The following GABBR2 variants were observed in gnomAD, a reference collection of about 807,000 sequenced individuals.
GABBR2 encodes gamma-aminobutyric acid type B receptor subunit 2, also known as G-protein coupled receptor 51.
GABBR2 carries 23 observed loss-of-function variants against 105.6 expected under a neutral mutation model. The ratio of observed to expected loss-of-function variants is 0.22; its 90% CI spans 0.16 to 0.31. GABBR2 has a LOEUF of 0.31. Among genes scored for constraint, GABBR2 ranks in the 10% least tolerant of loss-of-function variants. The pLI is 1.00. For synonymous variants in GABBR2, 478 were observed against 499.7 expected (o/e 0.96, Z 0.58); for missense variants, 734 against 1,245.5 (o/e 0.59, Z 6.18).
intron 1 of GABBR2, chr9:98,607,905 T>G: frequency 1.4e-6 from 2 of 1,438,406 alleles, no homozygotes; most frequent in Non-Finnish European, 1.9e-6. Flanking sequence ...AGCAGGTGTT[T>G]GAGATGAAGG....
chr9:98,461,746 G>C (rs1420416214), intron 6 of GABBR2, among the ~76,000 whole-genome samples: 1 of 152,176 alleles, frequency 6.6e-6, no homozygotes, highest in East Asian at 1.9e-4. Flanking sequence ...TGATTCTCCA[G>C]GTGCAGAATC....
intron 1 of GABBR2, among the ~76,000 whole-genome samples, chr9:98,648,060 T>C (rs2131842890): frequency 7.2e-6 from 1 of 139,474 alleles, no homozygotes; most frequent in African/African-American, 2.7e-5. Flanking sequence ...CCCTTCCCCT[T>C]TCTATCATTA....
intron 7 of GABBR2, among the ~76,000 whole-genome samples, chr9:98,419,943 G>A (rs1052199071): frequency 1.3e-5 from 2 of 151,974 alleles, no homozygotes; most frequent in Non-Finnish European, 1.5e-5. Context: ...TTAGTTGTGG[G>A]CATCCCCAAA....
intron 11 of GABBR2, 115 bp downstream of exon 11, chr9:98,385,525 C>T (rs1392709976): frequency 3.6e-6 from 3 of 836,832 alleles, no homozygotes; most frequent in Non-Finnish European, 6.0e-6. Context: ...ATGGGTTGTT[C>T]CCTGCCTGTT....
chr9:98,515,560 T>A (rs1217232046), intron 3 of GABBR2, among the ~76,000 whole-genome samples: 1 of 152,122 alleles, frequency 6.6e-6, no homozygotes. Context: ...GGCTCCCTTC[T>A]TCTAGGGCTT....
intron 1 of GABBR2, among the ~76,000 whole-genome samples, chr9:98,665,201 C>G (rs1830317560): frequency 6.6e-6 from 1 of 152,034 alleles, no homozygotes; most frequent in African/African-American, 2.4e-5. Context: ...CCTGGGAGGT[C>G]CAGGCTGCAG....
At chr9:98,472,573 C>A (rs968068535) in intron 6 of GABBR2, among the ~76,000 whole-genome samples, 1 of 152,160 alleles carries the variant, frequency 6.6e-6, no homozygotes, top group Non-Finnish European at 1.5e-5. Flanking sequence ...GAAGATATAT[C>A]TATAGAAGGG....
intron 6 of GABBR2, among the ~76,000 whole-genome samples, chr9:98,463,935 G>A (rs925851170): frequency 2.6e-5 from 4 of 152,148 alleles, no homozygotes; most frequent in African/African-American, 9.7e-5. Context: ...CTCACTCAAC[G>A]CTCAATGTTG....
intron 1 of GABBR2, among the ~76,000 whole-genome samples, chr9:98,592,013 G>A (rs915894534): frequency 6.6e-6 from 1 of 152,180 alleles, no homozygotes; most frequent in South Asian, 2.1e-4. Flanking sequence ...CAAGCAAGGG[G>A]GGCACTTGAC....
chr9:98,428,660 G>A (rs1257085735), intron 7 of GABBR2, among the ~76,000 whole-genome samples: 1 of 152,252 alleles, frequency 6.6e-6, no homozygotes, highest in Non-Finnish European at 1.5e-5. Context: ...GACTATTCTA[G>A]CTATGTGATT....
At position 98,337,980 on chromosome 9, in the gene GABBR2, C is replaced by A. The variant is rs1831145081; in HGVS notation, c.1893+24735G>T. 1.3e-5 allele frequency among the ~76,000 whole-genome samples: 2 copies of A among 152,154 alleles called. 1 individual carries two copies. Among genetic ancestry groups the A allele is most frequent in the Admixed American group, 1.3e-4 (2 of 15,274 alleles). On this transcript the variant is annotated intron_variant, in intron 13 of 18. Transcript: ENST00000259455. Reference sequence around the variant, plus strand: ...GAGTTTGCAGTGAGCTGAGATTGTGCCACTGTACTCCAGCCTGGGCGACAG... The same window carrying A: ...GAGTTTGCAGTGAGCTGAGATTGTGACACTGTACTCCAGCCTGGGCGACAG...
rs1000105625 is a variant in GABBR2, at chr9:98,617,412, G to A, written c.322-39340C>T. Among the ~76,000 whole-genome samples the A allele has an allele frequency of 2.0e-5, 3 of 152,334 alleles. No homozygotes were observed. In the South Asian group the frequency reaches 6.2e-4, roughly 32 times the overall value. ...GTCTAGACAAGGAGACGCAAATGCA[G>A]CCTGGGAGAGCAGGGACACTGAATG... On this transcript the variant is annotated intron_variant, in intron 1 of 18. Coordinates refer to ENST00000259455, the MANE Select transcript of GABBR2 (RefSeq NM_005458.8).
At chr9:98,681,888 A>T (rs1316612699) in intron 1 of GABBR2, among the ~76,000 whole-genome samples, 1 of 152,186 alleles carries the variant, frequency 6.6e-6, no homozygotes, top group Non-Finnish European at 1.5e-5. Flanking sequence ...AAAAGCAGAA[A>T]CCACAAAGAT....
At chr9:98,575,845 C>T (rs1009606258) in intron 2 of GABBR2, among the ~76,000 whole-genome samples, 6 of 152,284 alleles carry the variant, frequency 3.9e-5, no homozygotes, top group Middle Eastern at 3.4e-3. Flanking sequence ...TGGCCTGCTC[C>T]GGCCACAAGG....
intron 13 of GABBR2, among the ~76,000 whole-genome samples, chr9:98,323,670 C>T (rs1176186032): frequency 1.3e-5 from 2 of 152,220 alleles, no homozygotes; most frequent in Non-Finnish European, 2.9e-5. Flanking sequence ...GGCCTTGGAC[C>T]TCCCAGCCTA....
chr9:98,317,449 A>G (rs1830737967), intron 13 of GABBR2, among the ~76,000 whole-genome samples: 1 of 152,170 alleles, frequency 6.6e-6, no homozygotes, highest in Admixed American at 6.5e-5. Context: ...AGGGAGTTGG[A>G]GCATAAGTGG....
At chr9:98,510,434 T>C (rs1827615536) in intron 3 of GABBR2, among the ~76,000 whole-genome samples, 1 of 152,290 alleles carries the variant, frequency 6.6e-6, no homozygotes, top group South Asian at 2.1e-4. Context: ...TAATTTTAAA[T>C]GTAAATGGGC....
At position 98,648,116 on chromosome 9, in the gene GABBR2, T is replaced by TAGATAG. The variant is rs1554723459; in HGVS notation, c.321+60300_321+60301insCTATCT. On this transcript the variant is annotated intron_variant, in intron 1 of 18. Transcript: ENST00000259455. The stretch of plus-strand genomic sequence containing the variant: ...GTGTGTGTGTGTGTGTGTGTGTGTG[T>TAGATAG]ATAGATAGATAGATAGATAGATAGA... 7.2e-3 allele frequency among the ~76,000 whole-genome samples: 405 copies of TAGATAG among 55,946 alleles called. 2 individuals are homozygous for TAGATAG. The highest frequency in any genetic ancestry group is 0.014 in the Admixed American group (64 of 4,674). 36.7% of individuals were successfully genotyped at this position (55,946 alleles called of 152,430 possible). A position where few individuals can be genotyped will look rare whatever the true frequency, so the allele number is the denominator to read the frequency against.
intron 3 of GABBR2, among the ~76,000 whole-genome samples, chr9:98,539,490 C>T (rs1006198473): frequency 2.6e-5 from 4 of 152,174 alleles, no homozygotes; most frequent in Non-Finnish European, 5.9e-5. Flanking sequence ...TTCATGACTT[C>T]AGAGGTGCCT....
Sources: allele counts gnomAD v4.1 joint callset (sites outside exome capture counted in the v4.1 genomes callset), GRCh38; gene constraint gnomAD v4.1.1; transcripts MANE v1.5; gene names NCBI Gene and HGNC (gene_info 2026-07-23, HGNC 2026-07-21).